GRM5: variants seen among roughly 807,000 people sequenced by gnomAD.
GRM5 encodes glutamate metabotropic receptor 5, also known as metabotropic glutamate receptor 5.
GRM5 carries 19 observed loss-of-function variants against 83.1 expected under a neutral mutation model. The observed-to-expected ratio is 0.23, with a 90% CI of 0.16 to 0.34. GRM5 has a LOEUF of 0.34. GRM5 is among the 10% of genes least tolerant of loss of function. The probability of loss-of-function intolerance (pLI) is 1.00; values close to 1 mark genes in which losing one functional copy is unlikely to be tolerated. For synonymous variants in GRM5, 675 were observed against 633.6 expected (o/e 1.07, Z -0.98); for missense variants, 1,160 against 1,588.3 (o/e 0.73, Z 4.58).
In GRM5 at chr11:88,572,159, A is replaced by G. The variant is rs531733922; in HGVS notation, c.1691-4167T>C. On this transcript the variant is annotated intron_variant, in intron 7 of 9. Transcript: ENST00000305447. Reference sequence around the variant, plus strand: ...CTGACCTAGTGAGCTTTGAAAAGCTATCAGTGTGGAAGTTACAGCTTTAGG... The same window carrying G: ...CTGACCTAGTGAGCTTTGAAAAGCTGTCAGTGTGGAAGTTACAGCTTTAGG... Among the ~76,000 whole-genome samples, 19 of 152,344 alleles carry G rather than the reference A, an allele frequency of 1.2e-4. No homozygotes were observed. In the East Asian group the frequency reaches 3.3e-3, roughly 26 times the overall value.
intron 3 of GRM5, among the ~76,000 whole-genome samples, chr11:88,846,852 C>A (rs1320643520): frequency 1.3e-4 from 20 of 151,904 alleles, no homozygotes; most frequent in South Asian, 6.2e-4. Context: ...GGAGGTAGCA[C>A]TGATATAAAA....
chr11:88,787,608 T>G (rs901786946), intron 3 of GRM5, among the ~76,000 whole-genome samples: 3 of 152,124 alleles, frequency 2.0e-5, no homozygotes. Flanking sequence ...TAGGAGGCTC[T>G]TATAGCCATC....
intron 8 of GRM5, among the ~76,000 whole-genome samples, chr11:88,548,011 G>A (rs912142832): frequency 1.3e-5 from 2 of 152,166 alleles, no homozygotes; most frequent in African/African-American, 4.8e-5. Context: ...AAGGAGTTGG[G>A]ACATAGAAGG....
At chr11:88,967,909 C>T (rs1297344582) in intron 2 of GRM5, among the ~76,000 whole-genome samples, 4 of 151,942 alleles carry the variant, frequency 2.6e-5, no homozygotes, top group Admixed American at 6.6e-5. Flanking sequence ...GATGATACAA[C>T]AGAAAAGGAA....
chr11:89,028,683 A>C (rs1344905635), intron 2 of GRM5, among the ~76,000 whole-genome samples: 2 of 152,226 alleles, frequency 1.3e-5, no homozygotes, highest in Admixed American at 1.3e-4. Context: ...ACCCTTAATA[A>C]ACACACAATG....
intron 2 of GRM5, among the ~76,000 whole-genome samples, chr11:88,929,008 A>T (rs1394640798): frequency 6.6e-6 from 1 of 151,840 alleles, no homozygotes; most frequent in Non-Finnish European, 1.5e-5. Flanking sequence ...AGACAATTTT[A>T]AGTTGATAAC....
intron 4 of GRM5, among the ~76,000 whole-genome samples, chr11:88,651,447 G>T (rs1939628948): frequency 6.6e-6 from 1 of 151,944 alleles, no homozygotes; most frequent in African/African-American, 2.4e-5. Context: ...GCTACACATA[G>T]TAATAATTAT....
At chr11:88,667,644 A>G (rs897825335) in intron 3 of GRM5, among the ~76,000 whole-genome samples, 1 of 152,186 alleles carries the variant, frequency 6.6e-6, no homozygotes, top group South Asian at 2.1e-4. Context: ...CTGTAATCCC[A>G]GCACTTTGGG....
chr11:88,647,708 G>A (rs577651895), intron 4 of GRM5, among the ~76,000 whole-genome samples: 5 of 152,204 alleles, frequency 3.3e-5, no homozygotes, highest in Admixed American at 1.3e-4. Context: ...CCATCAAAGT[G>A]AACAGGCAAC....
chr11:88,542,993 G>A (rs560072434), intron 8 of GRM5, among the ~76,000 whole-genome samples: 4 of 152,280 alleles, frequency 2.6e-5, no homozygotes, highest in African/African-American at 4.8e-5. Flanking sequence ...ACCTGAGCCC[G>A]GGAAGTGGAG....
chr11:88,742,753 T>C (rs1942054702), intron 3 of GRM5, among the ~76,000 whole-genome samples: 1 of 152,104 alleles, frequency 6.6e-6, no homozygotes, highest in South Asian at 2.1e-4. Context: ...GCTTTCTATT[T>C]GAGAATCTGT....
chr11:88,788,115 C>G (rs1943107765), intron 3 of GRM5, among the ~76,000 whole-genome samples: 1 of 151,716 alleles, frequency 6.6e-6, no homozygotes, highest in Non-Finnish European at 1.5e-5. Flanking sequence ...GGCACTCTAG[C>G]TTTGGGAGGA....
At chr11:88,578,872 G>C (rs376956781) in intron 7 of GRM5, among the ~76,000 whole-genome samples, 2 of 151,752 alleles carry the variant, frequency 1.3e-5, no homozygotes, top group Admixed American at 6.6e-5. Flanking sequence ...AAAAGACAGT[G>C]CACAAAATTT....
intron 3 of GRM5, among the ~76,000 whole-genome samples, chr11:88,697,937 A>G (rs1940939365): frequency 6.6e-6 from 1 of 152,222 alleles, no homozygotes; most frequent in African/African-American, 2.4e-5. Flanking sequence ...TATGTAATCC[A>G]GTATCAAGTG....
At chr11:88,578,875 C>A (rs1157994315) in intron 7 of GRM5, among the ~76,000 whole-genome samples, 1 of 151,648 alleles carries the variant, frequency 6.6e-6, no homozygotes, top group East Asian at 1.9e-4. Flanking sequence ...AGACAGTGCA[C>A]AAAATTTTTC....
At chr11:88,612,995 C>T (rs925883281) in intron 4 of GRM5, 9 of 152,174 alleles carry the variant, frequency 5.9e-5, no homozygotes, top group Non-Finnish European at 1.0e-4. Context: ...TTCCATGTAA[C>T]TGTACGGTTT....
At chr11:88,846,891 T>A (rs1159907643) in intron 3 of GRM5, among the ~76,000 whole-genome samples, 1 of 152,132 alleles carries the variant, frequency 6.6e-6, no homozygotes, top group Non-Finnish European at 1.5e-5. Flanking sequence ...ATTTGAATTA[T>A]CTAAAATTTT....
chr11:88,627,379 C>T (rs1306585176), intron 4 of GRM5, among the ~76,000 whole-genome samples: 1 of 152,004 alleles, frequency 6.6e-6, no homozygotes, highest in African/African-American at 2.4e-5. Context: ...CTTTGTGGCA[C>T]ATATTTTAGG....
At chr11:88,970,416 C>T in intron 2 of GRM5, among the ~76,000 whole-genome samples, 1 of 152,102 alleles carries the variant, frequency 6.6e-6, no homozygotes, top group Non-Finnish European at 1.5e-5. Context: ...TCTTAAACGT[C>T]TTTGTCTGGA....
Sources: allele counts gnomAD v4.1 joint callset (sites outside exome capture counted in the v4.1 genomes callset), GRCh38; gene constraint gnomAD v4.1.1; transcripts MANE v1.5; gene names NCBI Gene and HGNC (gene_info 2026-07-23, HGNC 2026-07-21).